COG5: variants seen among roughly 807,000 people sequenced by gnomAD.
COG5 encodes component of oligomeric golgi complex 5, also known as conserved oligomeric Golgi complex subunit 5.
Under a neutral mutation model 110.4 loss-of-function variants are expected in COG5, and 86 were observed. The observed-to-expected ratio is 0.78, with a 90% confidence interval of 0.65 to 0.93. The LOEUF (loss-of-function observed/expected upper bound fraction) is 0.93, where lower values mean the gene tolerates loss of function less well. COG5 is among the 40% of genes least tolerant of loss of function. COG5 has a pLI of 0.00. For missense variants in COG5, 1,077 were observed against 987.0 expected, an observed-to-expected ratio of 1.09 and a Z score of -1.22; for synonymous variants, 360 against 334.6, an observed-to-expected ratio of 1.08 and a Z score of -0.83.
chr7:107,398,856 T>C (rs1791216726), intron 7 of COG5, among the ~76,000 whole-genome samples: 1 of 152,178 alleles, frequency 6.6e-6, no homozygotes, highest in African/African-American at 2.4e-5. Context: ...TTTTGTATGA[T>C]GATGGCAATA....
At chr7:107,550,703 A>C (rs1563096050) in intron 3 of COG5, among the ~76,000 whole-genome samples, 1 of 152,058 alleles carries the variant, frequency 6.6e-6, no homozygotes, top group African/African-American at 2.4e-5. Flanking sequence ...TTTACAAATA[A>C]AATTTTTCTT....
At chr7:107,325,163 A>G (rs951656177) in intron 10 of COG5, among the ~76,000 whole-genome samples, 9 of 152,218 alleles carry the variant, frequency 5.9e-5, no homozygotes, top group African/African-American at 2.2e-4. Context: ...AGCACTATAA[A>G]GAAAAGACAA....
At chr7:107,531,500 C>T (rs1584938512) in intron 5 of COG5, among the ~76,000 whole-genome samples, 2 of 151,860 alleles carry the variant, frequency 1.3e-5, no homozygotes, top group South Asian at 2.1e-4. Context: ...TAAACTTTAC[C>T]TCATTGACTA....
At chr7:107,426,464 A>G (rs1346454728) in intron 6 of COG5, among the ~76,000 whole-genome samples, 2 of 152,108 alleles carry the variant, frequency 1.3e-5, no homozygotes, top group Admixed American at 6.6e-5. Flanking sequence ...ACTTCTCACA[A>G]TTCTGGAAGC....
At chr7:107,554,157 T>A in intron 3 of COG5, 128 bp downstream of exon 3, 1 of 753,310 alleles carries the variant, frequency 1.3e-6, no homozygotes. Context: ...AATGGCAGAG[T>A]TTAGTAGTTG....
At chr7:107,535,842 G>A (rs564494514) in intron 5 of COG5, among the ~76,000 whole-genome samples, 1 of 152,184 alleles carries the variant, frequency 6.6e-6, no homozygotes, top group Admixed American at 6.5e-5. Context: ...CCAAAATCTG[G>A]CAGAGACACA....
intron 11 of COG5, among the ~76,000 whole-genome samples, chr7:107,313,058 G>A (rs1406934994): frequency 6.6e-6 from 1 of 152,118 alleles, no homozygotes; most frequent in Non-Finnish European, 1.5e-5. Context: ...ACCAGCTGTG[G>A]GGAAAGGACG....
intron 19 of COG5, among the ~76,000 whole-genome samples, chr7:107,229,543 T>C (rs1370534804): frequency 6.6e-6 from 1 of 152,316 alleles, no homozygotes; most frequent in East Asian, 1.9e-4. Context: ...AACATCTCCT[T>C]ATCTTCTAAA....
rs189468144 is a variant in COG5 at position 107,349,706 on chromosome 7, G to A, written c.1026+12327C>T. Among the ~76,000 whole-genome samples, 8 of 152,132 alleles carry A rather than the reference G, an allele frequency of 5.3e-5. 1 individual carries two copies. In the East Asian group the frequency reaches 1.4e-3, roughly 26 times the overall value. On this transcript the variant is annotated intron_variant, in intron 10 of 21. Transcript: ENST00000297135. ...CCAAGTAGCTGGTACTACAGGCGCC[G>A]GCCACCACGCCCGGCTAATTTTTTG...
chr7:107,463,399 C>G (rs1796116465), intron 6 of COG5, among the ~76,000 whole-genome samples: 2 of 152,182 alleles, frequency 1.3e-5, no homozygotes, highest in Non-Finnish European at 2.9e-5. Context: ...CTTTTCTTCC[C>G]TCCTGGGATG....
In COG5 at chr7:107,201,655, T is replaced by G. The variant is rs1798319885; in HGVS notation, c.*1861A>C. Reference sequence around the variant, plus strand: ...CATTTTAAACCAAATTGCCTTATTTTTCTTCCAAACTTCATATATGTCTAT... The same window carrying G: ...CATTTTAAACCAAATTGCCTTATTTGTCTTCCAAACTTCATATATGTCTAT... On this transcript the variant is annotated 3_prime_UTR_variant, in exon 22 of 22. Transcript: ENST00000297135. 7.3e-6 allele frequency: 3 copies of G among 412,708 alleles called. No homozygotes were observed. In the East Asian group the frequency reaches 1.1e-4, roughly 15 times the overall value. The allele number at this position is 412,708 out of a possible 1,614,324, so 25.6% of individuals were successfully genotyped here.
intron 10 of COG5, among the ~76,000 whole-genome samples, chr7:107,354,799 A>T (rs1278829266): frequency 6.6e-6 from 1 of 152,206 alleles, no homozygotes; most frequent in Non-Finnish European, 1.5e-5. Flanking sequence ...TTCTGTGGGC[A>T]CTATTATTAT....
intron 7 of COG5, among the ~76,000 whole-genome samples, chr7:107,402,150 G>C (rs558723995): frequency 1.3e-5 from 2 of 152,266 alleles, no homozygotes; most frequent in East Asian, 3.9e-4. Context: ...AGGTTCTCTA[G>C]AGCTGGCTTC....
rs116667408 is a variant in COG5, at chr7:107,427,568, C to G, written c.539-14936G>C. Among the ~76,000 whole-genome samples, 820 of 152,104 alleles carry G rather than the reference C, an allele frequency of 5.4e-3. 9 individuals carry two copies. The highest frequency in any genetic ancestry group is 0.019 in the African/African-American group (798 of 41,504). ...AAGCAGGGTTTTCCCAGGTGTAATA[C>G]AGTTGACACTGGATTTTTCTCGGTG... On this transcript the variant is annotated intron_variant, in intron 6 of 21. Coordinates refer to ENST00000297135, the MANE Select transcript of COG5 (RefSeq NM_006348.5).
chr7:107,529,869 C>A (rs578217347), intron 5 of COG5, among the ~76,000 whole-genome samples: 1 of 152,146 alleles, frequency 6.6e-6, no homozygotes, highest in Non-Finnish European at 1.5e-5. Context: ...CAGACCTGTA[C>A]GGATTCGACA....
At chr7:107,434,188 GA>G (rs1794209844) in intron 6 of COG5, among the ~76,000 whole-genome samples, 1 of 152,136 alleles carries the variant, frequency 6.6e-6, no homozygotes, top group Non-Finnish European at 1.5e-5. Flanking sequence ...CAAGGATGTA[GA>G]AAAATTGGAA....
intron 3 of COG5, among the ~76,000 whole-genome samples, chr7:107,548,666 T>C (rs1043637325): frequency 6.6e-6 from 1 of 152,220 alleles, no homozygotes; most frequent in Non-Finnish European, 1.5e-5. Context: ...CACTGAATTG[T>C]ATGTTTTAAA....
chr7:107,289,812 C>T (rs1035785315), intron 12 of COG5, among the ~76,000 whole-genome samples: 10 of 152,276 alleles, frequency 6.6e-5, no homozygotes, highest in African/African-American at 2.4e-4. Flanking sequence ...GTTATAATTA[C>T]TATTTTACTA....
At chr7:107,317,827 T>G (rs551188210) in intron 11 of COG5, among the ~76,000 whole-genome samples, 33 of 152,328 alleles carry the variant, frequency 2.2e-4, no homozygotes, top group Middle Eastern at 3.4e-3. Flanking sequence ...AACATAGATG[T>G]TAGAATGAGC....
Sources: allele counts gnomAD v4.1 joint callset (sites outside exome capture counted in the v4.1 genomes callset), GRCh38; gene constraint gnomAD v4.1.1; transcripts MANE v1.5; gene names NCBI Gene and HGNC (gene_info 2026-07-23, HGNC 2026-07-21).